The following ITPR2 variants were observed in gnomAD, a reference collection of about 807,000 sequenced individuals.
ITPR2 encodes inositol 1,4,5-trisphosphate-gated calcium channel ITPR2.
A neutral mutation model predicts 317.1 loss-of-function variants in ITPR2; 207 were observed. The observed-to-expected ratio is 0.65, with a 90% confidence interval of 0.58 to 0.73. The LOEUF is 0.73. Ranked by LOEUF, ITPR2 falls within the 30% of genes least tolerant of loss-of-function variation. The pLI is 0.00. For synonymous variants in ITPR2, 1,156 were observed against 1,149.1 expected, an observed-to-expected ratio of 1.01 and a Z score of -0.12; for missense variants, 2,613 against 3,284.0, an observed-to-expected ratio of 0.80 and a Z score of 4.99.
At chr12:26,772,499 AC>A (rs1482763604) in intron 2 of ITPR2, among the ~76,000 whole-genome samples, 106 of 120,310 alleles carry the variant, frequency 8.8e-4, no homozygotes, top group Non-Finnish European at 1.5e-3. Context: ...TACATATAAT[AC>A]ATGTATTATA....
chr12:26,435,369 G>A (rs578176326), intron 48 of ITPR2, among the ~76,000 whole-genome samples: 1 of 152,016 alleles, frequency 6.6e-6, no homozygotes, highest in Non-Finnish European at 1.5e-5. Flanking sequence ...TTTACCTATA[G>A]TATCTCATTA....
At chr12:26,518,791 C>G (rs1315475519) in intron 37 of ITPR2, among the ~76,000 whole-genome samples, 1 of 151,592 alleles carries the variant, frequency 6.6e-6, no homozygotes, top group Non-Finnish European at 1.5e-5. Context: ...AGCAGAAACC[C>G]TAGTAAAGAA....
intron 49 of ITPR2, 177 bp from the exon 50 acceptor site, chr12:26,419,390 TAA>T: frequency 1.7e-6 from 1 of 580,808 alleles, no homozygotes; most frequent in Non-Finnish European, 2.9e-6. Context: ...ACTTTTTTCA[TAA>T]TTTCTCATTT....
chr12:26,641,383 T>C (rs1946983197), intron 21 of ITPR2, among the ~76,000 whole-genome samples: 1 of 151,536 alleles, frequency 6.6e-6, no homozygotes, highest in Non-Finnish European at 1.5e-5. Flanking sequence ...CATGAGGAAG[T>C]CAACTGTGTA....
intron 1 of ITPR2, among the ~76,000 whole-genome samples, chr12:26,814,030 T>A (rs2137273912): frequency 6.6e-6 from 1 of 152,314 alleles, no homozygotes; most frequent in East Asian, 1.9e-4. Flanking sequence ...GACGTCACCT[T>A]TGCCATCAGA....
chr12:26,551,101 G>A (rs568787804), intron 36 of ITPR2, among the ~76,000 whole-genome samples: 16 of 152,124 alleles, frequency 1.1e-4, no homozygotes, highest in South Asian at 2.1e-4. Flanking sequence ...TATATATATC[G>A]CCTATATAGC....
intron 21 of ITPR2, among the ~76,000 whole-genome samples, chr12:26,653,519 C>A (rs554892835): frequency 6.6e-6 from 1 of 152,262 alleles, no homozygotes; most frequent in South Asian, 2.1e-4. Context: ...GGATTACAGG[C>A]GTGAGCCACC....
At chr12:26,507,965 T>C (rs1943236009) in intron 37 of ITPR2, among the ~76,000 whole-genome samples, 1 of 152,078 alleles carries the variant, frequency 6.6e-6, no homozygotes, top group African/African-American at 2.4e-5. Context: ...TGCATATTTG[T>C]AAAATGAATT....
intron 32 of ITPR2, among the ~76,000 whole-genome samples, chr12:26,588,230 G>C (rs540859999): frequency 9.8e-4 from 150 of 152,298 alleles, no homozygotes; most frequent in South Asian, 1.7e-3. Flanking sequence ...TTAGCAAACA[G>C]TGACTATAGA....
intron 1 of ITPR2, among the ~76,000 whole-genome samples, chr12:26,824,066 C>A (rs1950977746): frequency 6.6e-6 from 1 of 152,134 alleles, no homozygotes; most frequent in African/African-American, 2.4e-5. Context: ...TATTCTTAGT[C>A]AAAAATTCAT....
intron 21 of ITPR2, among the ~76,000 whole-genome samples, chr12:26,650,745 A>T (rs970605010): frequency 1.3e-5 from 2 of 152,236 alleles, no homozygotes; most frequent in Non-Finnish European, 2.9e-5. Flanking sequence ...AAGCATAACA[A>T]GCAGCTTTAG....
intron 5 of ITPR2, among the ~76,000 whole-genome samples, chr12:26,720,045 T>C (rs1350842536): frequency 1.3e-5 from 2 of 152,174 alleles, no homozygotes; most frequent in Admixed American, 1.3e-4. Context: ...CTGTCCCTAG[T>C]GACTTTGCAG....
In ITPR2 at chr12:26,811,723, G is replaced by A. The variant is rs187220920; in HGVS notation, c.92+20967C>T. Among the ~76,000 whole-genome samples, 147 of 150,084 alleles carry A rather than the reference G, an allele frequency of 9.8e-4. 1 individual carries two copies. Among genetic ancestry groups the A allele is most frequent in the African/African-American group, 3.2e-3 (132 of 40,884 alleles). ...AAAAAAATTAGCCGGGCGTGGTGGC[G>A]GGTACCTGTAGTCCCAGCTGCTCAG... is the stretch of plus-strand genomic sequence containing the variant. On this transcript the variant is annotated intron_variant, in intron 1 of 56. Transcript: ENST00000381340.
intron 54 of ITPR2, 87 bp downstream of exon 54, chr12:26,398,789 A>C: frequency 8.7e-7 from 1 of 1,149,104 alleles, no homozygotes; most frequent in African/African-American, 1.6e-5. Context: ...AATTTTTCCG[A>C]AAGCATGAAA....
At chr12:26,713,358 G>A (rs1277188943) in intron 8 of ITPR2, among the ~76,000 whole-genome samples, 4 of 152,106 alleles carry the variant, frequency 2.6e-5, no homozygotes, top group African/African-American at 9.7e-5. Context: ...GCACACAATA[G>A]AGAAAAGTCC....
intron 2 of ITPR2, among the ~76,000 whole-genome samples, chr12:26,744,626 AC>A (rs751058115): frequency 8.5e-5 from 13 of 152,226 alleles, no homozygotes; most frequent in African/African-American, 2.2e-4. Context: ...AATAAAAAAA[AC>A]ATTAGTTATA....
chr12:26,424,907 G>A (rs1385527449), intron 49 of ITPR2, among the ~76,000 whole-genome samples: 1 of 151,712 alleles, frequency 6.6e-6, no homozygotes, highest in South Asian at 2.1e-4. Flanking sequence ...CTACAGGTAC[G>A]CACCATCATG....
intron 9 of ITPR2, among the ~76,000 whole-genome samples, chr12:26,705,610 T>C (rs744182): frequency 0.23 from 34,363 of 152,030 alleles, 4,511 homozygotes; most frequent in East Asian, 0.56. Context: ...GACAATTTCA[T>C]CCAGACATTT....
chr12:26,571,549 G>T lies in ITPR2; in HGVS notation c.4630+7164C>A, dbSNP rs114637921. ...ACCACCTTGATCCACAATGCACACG[G>T]TATAAAACAGGTAACACATCTGCTT... is the stretch of plus-strand genomic sequence containing the variant. On this transcript the variant is annotated intron_variant, in intron 34 of 56. Coordinates refer to ENST00000381340, the MANE Select transcript of ITPR2 (RefSeq NM_002223.4). Among the ~76,000 whole-genome samples the T allele has an allele frequency of 5.4e-3, 829 of 152,316 alleles. 11 individuals carry two copies. The highest frequency in any genetic ancestry group is 0.019 in the African/African-American group (773 of 41,578).
Sources: allele counts gnomAD v4.1 joint callset (sites outside exome capture counted in the v4.1 genomes callset), GRCh38; gene constraint gnomAD v4.1.1; transcripts MANE v1.5; gene names NCBI Gene and HGNC (gene_info 2026-07-23, HGNC 2026-07-21).